SAMD12: variants seen among roughly 807,000 people sequenced by gnomAD.
The protein encoded by SAMD12 is sterile alpha motif domain-containing protein 12.
SAMD12 carries 9 observed loss-of-function variants against 15.0 expected under a neutral mutation model. That is an observed-to-expected ratio of 0.60 (90% confidence interval 0.36 to 1.05). SAMD12 has a LOEUF of 1.05. SAMD12 is among the 50% of genes least tolerant of loss of function. The pLI, the probability that SAMD12 is intolerant of heterozygous loss-of-function variation, is 0.01. For synonymous variants in SAMD12, 86 were observed against 90.1 expected (o/e 0.96, Z 0.25); for missense variants, 230 against 234.2 (o/e 0.98, Z 0.12).
chr8:118,589,348 C>T (rs562505824), intron 1 of SAMD12, among the ~76,000 whole-genome samples: 1 of 152,306 alleles, frequency 6.6e-6, no homozygotes, highest in East Asian at 1.9e-4. Context: ...CCCCACGATG[C>T]TCACTCACTC....
intron 2 of SAMD12, among the ~76,000 whole-genome samples, chr8:118,452,431 A>C (rs1823112206): frequency 6.6e-6 from 1 of 152,210 alleles, no homozygotes; most frequent in South Asian, 2.1e-4. Flanking sequence ...ACATATTCTT[A>C]TACATTTGTA....
chr8:118,479,326 T>G (rs1363366805), intron 2 of SAMD12, among the ~76,000 whole-genome samples: 1 of 152,134 alleles, frequency 6.6e-6, no homozygotes, highest in Non-Finnish European at 1.5e-5. Context: ...TATCTGAGAC[T>G]CAGAAGAAAA....
intron 4 of SAMD12, among the ~76,000 whole-genome samples, chr8:118,226,165 G>A (rs971670681): frequency 1.8e-4 from 27 of 152,244 alleles, no homozygotes; most frequent in African/African-American, 5.5e-4. Context: ...AGGTACCAAT[G>A]TTGTCCCCAT....
chr8:118,547,162 G>A (rs1015994016), intron 2 of SAMD12, among the ~76,000 whole-genome samples: 12 of 152,194 alleles, frequency 7.9e-5, no homozygotes, highest in African/African-American at 2.2e-4. Context: ...CTTGCCACTC[G>A]TGACCAGGGA....
chr8:118,277,497 A>G (rs1465428003), intron 4 of SAMD12, among the ~76,000 whole-genome samples: 3 of 151,956 alleles, frequency 2.0e-5, no homozygotes, highest in Non-Finnish European at 4.4e-5. Flanking sequence ...TGATGCAATC[A>G]TTTCCTTATG....
At chr8:118,553,578 C>T (rs1369078012) in intron 2 of SAMD12, among the ~76,000 whole-genome samples, 1 of 149,896 alleles carries the variant, frequency 6.7e-6, no homozygotes, top group Admixed American at 6.6e-5. Flanking sequence ...CCATAAAAAC[C>T]CTAGAAGAAA....
chr8:118,442,167 C>G (rs1378696501), intron 2 of SAMD12, among the ~76,000 whole-genome samples: 1 of 152,160 alleles, frequency 6.6e-6, no homozygotes, highest in African/African-American at 2.4e-5. Flanking sequence ...TTTTGCAATC[C>G]TAGTAAGTGG....
At chr8:118,416,064 G>T (rs1255751689) in intron 3 of SAMD12, among the ~76,000 whole-genome samples, 20 of 152,108 alleles carry the variant, frequency 1.3e-4, no homozygotes, top group Admixed American at 1.3e-3. Context: ...AGTGCTCAGT[G>T]TTATAAAAGG....
chr8:118,302,014 A>G (rs138156082), intron 4 of SAMD12, among the ~76,000 whole-genome samples: 49 of 151,396 alleles, frequency 3.2e-4, no homozygotes, highest in African/African-American at 1.1e-3. Flanking sequence ...CCAGTATATA[A>G]ATACACAGAT....
intron 4 of SAMD12, among the ~76,000 whole-genome samples, chr8:118,246,273 A>C (rs189229212): frequency 1.1e-3 from 163 of 152,236 alleles, no homozygotes; most frequent in African/African-American, 3.8e-3. Context: ...CATGACACTC[A>C]TATCTCTTTT....
chr8:118,299,221 A>C (rs1814887460), intron 4 of SAMD12, among the ~76,000 whole-genome samples: 1 of 152,180 alleles, frequency 6.6e-6, no homozygotes, highest in Non-Finnish European at 1.5e-5. Context: ...AAGGTACCAG[A>C]GCCTGGGAGC....
intron 2 of SAMD12, among the ~76,000 whole-genome samples, chr8:118,551,149 T>C (rs986529285): frequency 1.3e-5 from 2 of 152,230 alleles, no homozygotes; most frequent in East Asian, 3.9e-4. Context: ...TACCCAGGAA[T>C]GGAAATCAGC....
chr8:118,292,349 G>GACACACACAGACACACACACACAC (rs1554624055), intron 4 of SAMD12, among the ~76,000 whole-genome samples: 14 of 137,720 alleles, frequency 1.0e-4, no homozygotes, highest in Admixed American at 2.9e-4. Flanking sequence ...CAAACACACA[G>GACACACACAGACACACACACACAC]ACACACACAC....
At chr8:118,535,643 A>AATGGCGGGCGCCCCT (rs1825817763) in intron 2 of SAMD12, among the ~76,000 whole-genome samples, 2 of 152,194 alleles carry the variant, frequency 1.3e-5, no homozygotes, top group Admixed American at 6.5e-5. Flanking sequence ...AAGCCTCAGC[A>AATGGCGGGCGCCCCT]ATGGCGGGCG....
the SAMD12 span, among the ~76,000 whole-genome samples, chr8:118,148,503 T>C: frequency 6.6e-6 from 1 of 152,238 alleles, no homozygotes; most frequent in Non-Finnish European, 1.5e-5. Flanking sequence ...ACAAACATTA[T>C]GATCTTTTAA....
intron 4 of SAMD12, among the ~76,000 whole-genome samples, chr8:118,223,553 T>A (rs1227085895): frequency 6.6e-6 from 1 of 152,188 alleles, no homozygotes; most frequent in African/African-American, 2.4e-5. Flanking sequence ...CCTGCCCTGA[T>A]GGGGAGGTAG....
chr8:118,189,319 C>G (rs760629685), downstream of SAMD12: 7 of 152,144 alleles, frequency 4.6e-5, no homozygotes, highest in Non-Finnish European at 8.8e-5. Context: ...CCATGAATTG[C>G]ATCATTAGCT....
At chr8:118,360,966 G>C (rs944711731) in intron 4 of SAMD12, among the ~76,000 whole-genome samples, 1 of 152,066 alleles carries the variant, frequency 6.6e-6, no homozygotes. Flanking sequence ...GCTCTTCCAC[G>C]AGTGTCTAAA....
chr8:118,241,555 C>G (rs2514974), intron 4 of SAMD12, among the ~76,000 whole-genome samples: 1 of 151,928 alleles, frequency 6.6e-6, no homozygotes, highest in Non-Finnish European at 1.5e-5. Context: ...ATGATTATAC[C>G]TTTTTGGAAA....
Sources: allele counts gnomAD v4.1 joint callset (sites outside exome capture counted in the v4.1 genomes callset), GRCh38; gene constraint gnomAD v4.1.1; transcripts MANE v1.5; gene names NCBI Gene and HGNC (gene_info 2026-07-23, HGNC 2026-07-21).